CNTNAP5: variants seen among roughly 807,000 people sequenced by gnomAD.
The protein encoded by CNTNAP5 is contactin associated protein family member 5, also known as contactin-associated protein-like 5.
In CNTNAP5, 72 loss-of-function variants were observed where a neutral mutation model predicts 150.2. That is an observed-to-expected ratio of 0.48 (90% confidence interval 0.40 to 0.58). The LOEUF is 0.58. Among genes scored for constraint, CNTNAP5 ranks in the 20% least tolerant of loss-of-function variants. CNTNAP5 has a pLI of 0.00. For missense variants in CNTNAP5, 1,636 were observed against 1,626.2 expected (o/e 1.01, Z -0.10); for synonymous variants, 672 against 619.8 (o/e 1.08, Z -1.25).
At position 124,920,001 on chromosome 2, in the gene CNTNAP5, G is replaced by C. The variant is rs942735492; in HGVS notation, c.*5713G>C. On this transcript the variant is annotated 3_prime_UTR_variant, in exon 24 of 24. Transcript: ENST00000682447. The stretch of plus-strand genomic sequence containing the variant: ...ATGAATAAGCATAACATAACTGTAA[G>C]AAGGAGTGTAGTGTCCCAGCCCTGA... 6.6e-6 allele frequency among the ~76,000 whole-genome samples: 1 copy of C among 152,020 alleles called. No individual in the cohort carries two copies. The highest frequency in any genetic ancestry group is 1.5e-5 in the Non-Finnish European group (1 of 67,996).
chr2:124,580,617 C>T (rs1362584183), intron 11 of CNTNAP5, among the ~76,000 whole-genome samples: 1 of 152,178 alleles, frequency 6.6e-6, no homozygotes, highest in Non-Finnish European at 1.5e-5. Context: ...TGCTTGGCCC[C>T]CTCCTCCTTA....
chr2:124,317,812 G>C (rs1419556656), intron 3 of CNTNAP5, among the ~76,000 whole-genome samples: 1 of 152,058 alleles, frequency 6.6e-6, no homozygotes, highest in East Asian at 1.9e-4. Flanking sequence ...ACACGTAGGT[G>C]CACCCTTAAA....
intron 3 of CNTNAP5, among the ~76,000 whole-genome samples, chr2:124,245,157 TAA>T (rs993656811): frequency 3.3e-5 from 5 of 152,220 alleles, no homozygotes; most frequent in Non-Finnish European, 7.3e-5. Context: ...TTGCTAAATA[TAA>T]AAGTGTGAAG....
chr2:124,431,622 A>C (rs920789646), intron 4 of CNTNAP5, among the ~76,000 whole-genome samples: 1 of 146,300 alleles, frequency 6.8e-6, no homozygotes, highest in Non-Finnish European at 1.5e-5. Context: ...TTCTTTATAT[A>C]AACATTATAT....
chr2:124,465,488 A>G (rs1290129081), intron 6 of CNTNAP5, among the ~76,000 whole-genome samples: 1 of 152,232 alleles, frequency 6.6e-6, no homozygotes, highest in Non-Finnish European at 1.5e-5. Flanking sequence ...GCCAAAAAAG[A>G]CAATGAGGCA....
intron 3 of CNTNAP5, among the ~76,000 whole-genome samples, chr2:124,262,187 A>G (rs1262489923): frequency 6.6e-6 from 1 of 152,044 alleles, no homozygotes; most frequent in East Asian, 1.9e-4. Context: ...GGAGGTTGCC[A>G]CCAGTCAAAA....
chr2:124,620,481 T>C (rs950155783), intron 12 of CNTNAP5, among the ~76,000 whole-genome samples: 3 of 152,098 alleles, frequency 2.0e-5, no homozygotes, highest in African/African-American at 7.2e-5. Context: ...GCTGTTTCCT[T>C]CAAACATAGA....
intron 4 of CNTNAP5, among the ~76,000 whole-genome samples, chr2:124,422,997 C>T (rs751157593): frequency 6.6e-6 from 1 of 152,218 alleles, no homozygotes; most frequent in Non-Finnish European, 1.5e-5. Flanking sequence ...CTATCATTTC[C>T]GTGTCTGTGA....
intron 1 of CNTNAP5, among the ~76,000 whole-genome samples, chr2:124,116,713 A>C (rs76603521): frequency 0.085 from 12,940 of 152,276 alleles, 741 homozygotes; most frequent in Non-Finnish European, 0.13. Flanking sequence ...GTATTTGTCT[A>C]TTAGTAATTT....
chr2:124,847,448 G>A (rs992903973), intron 19 of CNTNAP5, among the ~76,000 whole-genome samples: 2 of 152,180 alleles, frequency 1.3e-5, no homozygotes, highest in Non-Finnish European at 2.9e-5. Flanking sequence ...AGTCCTGAAG[G>A]CTGGTCTAAC....
chr2:124,770,422 CAT>C lies in CNTNAP5; in HGVS notation c.2534-2376_2534-2375del, dbSNP rs1347311500. Among the ~76,000 whole-genome samples the C allele has an allele frequency of 2.0e-5, 3 of 152,286 alleles. No individual in the cohort carries two copies. The East Asian group carries it at 5.8e-4, about 29-fold the overall frequency. ...AGCGAAACAGCAAGCCCTCCCCAAACATGTGTTGTCTCAGTGGAATTTATTAT... is the reference window on the plus strand; with the variant it reads ...AGCGAAACAGCAAGCCCTCCCCAAACGTGTTGTCTCAGTGGAATTTATTAT... On this transcript the variant is annotated intron_variant, in intron 16 of 23. Coordinates refer to ENST00000682447, the MANE Select transcript of CNTNAP5 (RefSeq NM_001367498.1).
chr2:124,629,600 C>T (rs754739833), intron 12 of CNTNAP5, among the ~76,000 whole-genome samples: 3 of 151,836 alleles, frequency 2.0e-5, no homozygotes, highest in Non-Finnish European at 2.9e-5. Context: ...ATGCTCACAT[C>T]GGAAAGTGGG....
At chr2:124,512,428 C>T (rs542800923) in intron 8 of CNTNAP5, among the ~76,000 whole-genome samples, 2 of 152,194 alleles carry the variant, frequency 1.3e-5, no homozygotes, top group East Asian at 3.9e-4. Flanking sequence ...GCGCTGGCAC[C>T]ACTTGCTCAT....
Position 124,389,890 on chromosome 2 carries a change from T to C in CNTNAP5, c.382-27553T>C, listed in dbSNP as rs1484335271. Among the ~76,000 whole-genome samples, 12 of 152,074 alleles carry C rather than the reference T, an allele frequency of 7.9e-5. No homozygotes were observed. The East Asian group carries it at 2.3e-3, about 29-fold the overall frequency. On this transcript the variant is annotated intron_variant, in intron 3 of 23. Transcript: ENST00000682447. ...CTGAAGCTGGAGGTTCTCTTGAGCC[T>C]GAGAGGTCAAGGCTGCAGCGAGCCA...
At chr2:124,813,226 G>A (rs1282590558) in intron 19 of CNTNAP5, among the ~76,000 whole-genome samples, 3 of 151,690 alleles carry the variant, frequency 2.0e-5, no homozygotes, top group South Asian at 2.1e-4. Flanking sequence ...ATAGGTGCCC[G>A]CCACCATGTC....
chr2:124,188,110 A>G (rs959183827), intron 1 of CNTNAP5, among the ~76,000 whole-genome samples: 1 of 152,180 alleles, frequency 6.6e-6, no homozygotes, highest in African/African-American at 2.4e-5. Flanking sequence ...AAGGCAAGAA[A>G]TGGCTTTGGG....
chr2:124,683,841 C>T (rs1432299011), intron 13 of CNTNAP5, among the ~76,000 whole-genome samples: 1 of 152,136 alleles, frequency 6.6e-6, no homozygotes, highest in Non-Finnish European at 1.5e-5. Flanking sequence ...TGTTAGGCAA[C>T]TAACGTTTAT....
chr2:124,055,554 C>T (rs1351245630), intron 1 of CNTNAP5, among the ~76,000 whole-genome samples: 4 of 152,164 alleles, frequency 2.6e-5, no homozygotes, highest in Non-Finnish European at 4.4e-5. Flanking sequence ...GACTCCTTAC[C>T]AGTGGGATAT....
intron 6 of CNTNAP5, among the ~76,000 whole-genome samples, chr2:124,464,282 T>C (rs757096711): frequency 7.9e-5 from 12 of 152,026 alleles, no homozygotes; most frequent in Non-Finnish European, 1.6e-4. Flanking sequence ...GAACAGTGCT[T>C]TCTCTTACTC....
Sources: allele counts gnomAD v4.1 joint callset (sites outside exome capture counted in the v4.1 genomes callset), GRCh38; gene constraint gnomAD v4.1.1; transcripts MANE v1.5; gene names NCBI Gene and HGNC (gene_info 2026-07-23, HGNC 2026-07-21).